Variants in PRICKLE2 observed in about 807,000 individuals in gnomAD.
PRICKLE2 encodes the protein prickle-like protein 2.
PRICKLE2 carries 21 observed loss-of-function variants against 81.4 expected under a neutral mutation model. The ratio of observed to expected loss-of-function variants is 0.26; its 90% CI spans 0.18 to 0.37. The LOEUF (loss-of-function observed/expected upper bound fraction) is 0.37, where lower values mean the gene tolerates loss of function less well. Ranked by LOEUF, PRICKLE2 falls within the 10% of genes least tolerant of loss-of-function variation. The pLI is 1.00. For missense variants in PRICKLE2, 940 were observed against 1,109.0 expected, an observed-to-expected ratio of 0.85 and a Z score of 2.16; for synonymous variants, 456 against 421.5, an observed-to-expected ratio of 1.08 and a Z score of -1.00.
chr3:64,141,891 G>A, intron 7 of PRICKLE2: 1 of 984,476 alleles, frequency 1.0e-6, no homozygotes, highest in South Asian at 4.7e-5. Flanking sequence ...AGCTTTATCT[G>A]AAGGATCAAG....
At chr3:64,194,098 A>G (rs1435692037) in intron 2 of PRICKLE2, 2 of 152,144 alleles carry the variant, frequency 1.3e-5, no homozygotes, top group African/African-American at 4.8e-5. Context: ...CCCTTTTATA[A>G]AAGAGGAAAA....
chr3:64,113,971 T>C (rs893345578), intron 7 of PRICKLE2, among the ~76,000 whole-genome samples: 2 of 152,220 alleles, frequency 1.3e-5, no homozygotes, highest in Non-Finnish European at 2.9e-5. Flanking sequence ...CTGCATCTGC[T>C]AGCACTGTTA....
intron 2 of PRICKLE2, among the ~76,000 whole-genome samples, chr3:64,245,831 G>A (rs2079341685): frequency 6.6e-6 from 1 of 152,200 alleles, no homozygotes; most frequent in South Asian, 2.1e-4. Context: ...CCAGGTGTCT[G>A]AATAACCATG....
chr3:64,266,010 G>C (rs755503749), intron 2 of PRICKLE2, among the ~76,000 whole-genome samples: 1 of 152,292 alleles, frequency 6.6e-6, no homozygotes, highest in South Asian at 2.1e-4. Flanking sequence ...TAAAAGGCTT[G>C]TTGATGCAGA....
chr3:64,128,118 G>A (rs919038603), intron 7 of PRICKLE2, among the ~76,000 whole-genome samples: 9 of 152,084 alleles, frequency 5.9e-5, no homozygotes, highest in African/African-American at 4.8e-5. Flanking sequence ...AGGAGGTAGC[G>A]TTGGGGGCGT....
intron 1 of PRICKLE2, among the ~76,000 whole-genome samples, chr3:64,208,770 T>A (rs1353896407): frequency 6.6e-6 from 1 of 152,226 alleles, no homozygotes; most frequent in African/African-American, 2.4e-5. Flanking sequence ...ATATAAAAAT[T>A]TAGCTGATAA....
intron 2 of PRICKLE2, among the ~76,000 whole-genome samples, chr3:64,255,531 T>G (rs1197349905): frequency 2.0e-5 from 3 of 152,190 alleles, no homozygotes; most frequent in Admixed American, 6.5e-5. Context: ...TGACGGCAGA[T>G]GCAGGGAGAG....
intron 2 of PRICKLE2, among the ~76,000 whole-genome samples, chr3:64,246,647 A>T (rs557166501): frequency 9.9e-5 from 15 of 152,186 alleles, no homozygotes; most frequent in South Asian, 8.3e-4. Flanking sequence ...GGTGGAGCTG[A>T]CACTTTGCAT....
At chr3:64,134,096 G>C (rs528950313) in intron 7 of PRICKLE2, among the ~76,000 whole-genome samples, 2 of 152,154 alleles carry the variant, frequency 1.3e-5, no homozygotes, top group East Asian at 3.9e-4. Context: ...AGTGCTCCAC[G>C]CATGTTACCC....
intron 7 of PRICKLE2, among the ~76,000 whole-genome samples, chr3:64,133,828 G>A (rs1235055013): frequency 1.3e-5 from 2 of 152,124 alleles, no homozygotes; most frequent in African/African-American, 2.4e-5. Flanking sequence ...CCCCAGTTAC[G>A]GGGGTCAACA....
intron 2 of PRICKLE2, among the ~76,000 whole-genome samples, chr3:64,191,938 C>T (rs1483494667): frequency 6.6e-6 from 1 of 152,134 alleles, no homozygotes; most frequent in Non-Finnish European, 1.5e-5. Context: ...CTCCTCCCAC[C>T]CTGCTCCAGA....
At chr3:64,128,375 CA>C (rs2077143460) in intron 7 of PRICKLE2, among the ~76,000 whole-genome samples, 1 of 152,166 alleles carries the variant, frequency 6.6e-6, no homozygotes, top group African/African-American at 2.4e-5. Flanking sequence ...CAGGGATTCT[CA>C]AAGTGGGGAG....
At chr3:64,251,613 T>C (rs1364285839) in intron 2 of PRICKLE2, among the ~76,000 whole-genome samples, 1 of 152,164 alleles carries the variant, frequency 6.6e-6, no homozygotes, top group Non-Finnish European at 1.5e-5. Context: ...AGCAGAGAGT[T>C]CATTTTGTTT....
intron 7 of PRICKLE2, among the ~76,000 whole-genome samples, chr3:64,134,234 G>T (rs1015018319): frequency 2.6e-5 from 4 of 152,150 alleles, no homozygotes; most frequent in Non-Finnish European, 1.5e-5. Flanking sequence ...CAGGTCAACT[G>T]GGCCCTTAAA....
At chr3:64,141,644 T>C (rs2077363901) in intron 7 of PRICKLE2, among the ~76,000 whole-genome samples, 1 of 152,176 alleles carries the variant, frequency 6.6e-6, no homozygotes, top group South Asian at 2.1e-4. Context: ...AAGGGATGAA[T>C]TGTGTTTTCC....
At chr3:64,104,630 G>C (rs1013702554) in intron 7 of PRICKLE2, 1 of 152,202 alleles carries the variant, frequency 6.6e-6, no homozygotes, top group Admixed American at 6.5e-5. Context: ...TCCCGGGAAA[G>C]CTCGGGATAA....
At position 64,095,392 on chromosome 3, in the gene PRICKLE2, TC is replaced by T. The variant is rs2076558024; in HGVS notation, c.*3658del. On this transcript the variant is annotated 3_prime_UTR_variant, in exon 8 of 8. Coordinates refer to ENST00000638394, the MANE Select transcript of PRICKLE2 (RefSeq NM_198859.4). ...AGTGGAAAGACAGATATGAATCAGT[TC>T]ACAAATAAGATTGGTTATCAGACCA... 1 of 152,204 alleles carries T rather than the reference TC, an allele frequency of 6.6e-6. No individual in the cohort carries two copies. The highest frequency in any genetic ancestry group is 1.5e-5 in the Non-Finnish European group (1 of 68,034). 9.4% of individuals were successfully genotyped at this position (152,204 alleles called of 1,614,324 possible).
At chr3:64,243,225 T>C (rs1449687547) in intron 2 of PRICKLE2, among the ~76,000 whole-genome samples, 1 of 152,174 alleles carries the variant, frequency 6.6e-6, no homozygotes, top group Non-Finnish European at 1.5e-5. Context: ...ACCCATTTCT[T>C]TATTGGGCCT....
chr3:64,132,697 C>T (rs1466235239), intron 7 of PRICKLE2, among the ~76,000 whole-genome samples: 1 of 152,178 alleles, frequency 6.6e-6, no homozygotes, highest in Non-Finnish European at 1.5e-5. Flanking sequence ...AGATCTTGAT[C>T]AAACTCTGGT....
Sources: allele counts gnomAD v4.1 joint callset (sites outside exome capture counted in the v4.1 genomes callset), GRCh38; gene constraint gnomAD v4.1.1; transcripts MANE v1.5; gene names NCBI Gene and HGNC (gene_info 2026-07-23, HGNC 2026-07-21).